ZCCHC7: variants seen among roughly 807,000 people sequenced by gnomAD.
ZCCHC7 encodes zinc finger CCHC-type containing 7.
A neutral mutation model predicts 52.0 loss-of-function variants in ZCCHC7; 35 were observed. The ratio of observed to expected loss-of-function variants is 0.67; its 90% CI spans 0.51 to 0.89. The LOEUF is 0.89. ZCCHC7 is among the 40% of genes least tolerant of loss of function. The probability of loss-of-function intolerance (pLI) is 0.00; values close to 1 mark genes in which losing one functional copy is unlikely to be tolerated. For synonymous variants in ZCCHC7, 217 were observed against 221.5 expected, an observed-to-expected ratio of 0.98 and a Z score of 0.18; for missense variants, 574 against 649.1, an observed-to-expected ratio of 0.88 and a Z score of 1.26.
chr9:37,208,644 C>T (rs1282179715), intron 2 of ZCCHC7, among the ~76,000 whole-genome samples: 1 of 152,210 alleles, frequency 6.6e-6, no homozygotes. Context: ...AGCAGCAAAA[C>T]TTGTCACTTT....
Position 37,126,385 on chromosome 9 carries a change from G to A in ZCCHC7, c.53G>A (p.Arg18Gln), listed in dbSNP as rs147653832. ...TIEAYEDDLY[R>Q]DESSSELSVD... ...GAAGCATACGAAGATGATCTTTATC[G>A]AGATGAGTCATCTAGTGAACTGAGT... The change falls in exon 2 of 9, where the codon CGA becomes CAA. Residue 18 changes from arginine (R) to glutamine (Q), a missense_variant. This residue lies in a region of ZCCHC7 where 403 missense variants were observed against 461.2 expected (regional missense o/e 0.87). Coordinates refer to ENST00000336755, the MANE Select transcript of ZCCHC7 (RefSeq NM_032226.3). 9 of 1,613,992 alleles carry A rather than the reference G, an allele frequency of 5.6e-6. No individual in the cohort carries two copies. Among genetic ancestry groups the A allele is most frequent in the African/African-American group, 4.0e-5 (3 of 75,016 alleles).
At chr9:37,124,420 T>C (rs1443822883) in intron 1 of ZCCHC7, among the ~76,000 whole-genome samples, 2 of 151,882 alleles carry the variant, frequency 1.3e-5, no homozygotes, top group Non-Finnish European at 1.5e-5. Flanking sequence ...AAATGCCCGA[T>C]GGTGTAGTTC....
At chr9:37,273,534 C>T (rs1827535119) in intron 2 of ZCCHC7, among the ~76,000 whole-genome samples, 2 of 152,132 alleles carry the variant, frequency 1.3e-5, no homozygotes, top group South Asian at 4.1e-4. Flanking sequence ...GGTGTCCTGA[C>T]ACCTACTCTT....
At chr9:37,282,324 C>G (rs1827995693) in intron 2 of ZCCHC7, among the ~76,000 whole-genome samples, 1 of 152,042 alleles carries the variant, frequency 6.6e-6, no homozygotes, top group Non-Finnish European at 1.5e-5. Context: ...TTAAACAAGG[C>G]CGGGCATGGT....
chr9:37,207,738 A>G (rs1823999703), intron 2 of ZCCHC7, among the ~76,000 whole-genome samples: 1 of 152,008 alleles, frequency 6.6e-6, no homozygotes, highest in Non-Finnish European at 1.5e-5. Flanking sequence ...CCAATCTGCT[A>G]TTTAGCCCAT....
intron 2 of ZCCHC7, among the ~76,000 whole-genome samples, chr9:37,142,842 C>G (rs936106412): frequency 1.3e-5 from 2 of 151,724 alleles, no homozygotes; most frequent in African/African-American, 4.8e-5. Flanking sequence ...CACATCAAAT[C>G]AAGGTATAAC....
intron 2 of ZCCHC7, among the ~76,000 whole-genome samples, chr9:37,140,740 T>TA (rs1330852052): frequency 3.3e-5 from 5 of 152,006 alleles, no homozygotes; most frequent in Admixed American, 3.3e-4. Flanking sequence ...GGTGTATAAT[T>TA]ATGTACCCGG....
chr9:37,188,328 A>T (rs980014327), intron 2 of ZCCHC7, among the ~76,000 whole-genome samples: 10 of 151,276 alleles, frequency 6.6e-5, no homozygotes, highest in African/African-American at 9.7e-5. Flanking sequence ...TTTTTATCTT[A>T]TTTTTTATAG....
chr9:37,184,804 CTT>C (rs766909477), intron 2 of ZCCHC7, among the ~76,000 whole-genome samples: 1 of 151,930 alleles, frequency 6.6e-6, no homozygotes, highest in African/African-American at 2.4e-5. Context: ...TGGGATAACT[CTT>C]TGAGTATTTG....
At position 37,134,265 on chromosome 9, in the gene ZCCHC7, G is replaced by T. The variant is rs555275000; in HGVS notation, c.610+7323G>T. ...AATCTCTTCCTTTTTTTAATTTCTT[G>T]TAATTTGTTGTAATACCTAGATTCT... is the stretch of plus-strand genomic sequence containing the variant. On this transcript the variant is annotated intron_variant, in intron 2 of 8. Transcript: ENST00000336755. 4.0e-5 allele frequency among the ~76,000 whole-genome samples: 6 copies of T among 151,798 alleles called. No individual in the cohort carries two copies. The East Asian group carries it at 1.2e-3, about 29-fold the overall frequency.
intron 2 of ZCCHC7, among the ~76,000 whole-genome samples, chr9:37,260,173 G>A (rs538310538): frequency 6.6e-6 from 1 of 152,290 alleles, no homozygotes; most frequent in African/African-American, 2.4e-5. Context: ...TAATATTTGC[G>A]CATATACTGT....
chr9:37,274,704 A>C (rs917195210), intron 2 of ZCCHC7, among the ~76,000 whole-genome samples: 1 of 152,034 alleles, frequency 6.6e-6, no homozygotes, highest in African/African-American at 2.4e-5. Flanking sequence ...TATTTACTCA[A>C]TCTTTTCCTT....
At chr9:37,233,742 A>G (rs979282906) in intron 2 of ZCCHC7, among the ~76,000 whole-genome samples, 8 of 152,216 alleles carry the variant, frequency 5.3e-5, no homozygotes, top group African/African-American at 1.9e-4. Flanking sequence ...AAGGAATGAC[A>G]GGAGACTGAC....
chr9:37,168,084 C>T (rs1486809921), intron 2 of ZCCHC7, among the ~76,000 whole-genome samples: 2 of 152,002 alleles, frequency 1.3e-5, no homozygotes, highest in African/African-American at 4.8e-5. Context: ...GGTTCTCATC[C>T]CTTTCTGCTA....
intron 2 of ZCCHC7, among the ~76,000 whole-genome samples, chr9:37,155,142 T>C (rs1240917667): frequency 5.3e-5 from 8 of 152,004 alleles, no homozygotes; most frequent in East Asian, 3.9e-4. Flanking sequence ...GGGCGGATCA[T>C]GAGGTCAGGA....
intron 2 of ZCCHC7, among the ~76,000 whole-genome samples, chr9:37,185,092 ATAT>A (rs1822580242): frequency 6.6e-6 from 1 of 151,974 alleles, no homozygotes; most frequent in Non-Finnish European, 1.5e-5. Context: ...GAAACTAAAC[ATAT>A]TATTTTATTT....
intron 2 of ZCCHC7, among the ~76,000 whole-genome samples, chr9:37,283,980 C>G (rs1472148607): frequency 2.0e-5 from 3 of 151,656 alleles, no homozygotes; most frequent in East Asian, 3.9e-4. Context: ...AGATTTTTCC[C>G]TGGGGTGAAA....
At chr9:37,138,134 ATTGTTAGGGCATCTT>A (rs1554699954) in intron 2 of ZCCHC7, among the ~76,000 whole-genome samples, 2 of 152,120 alleles carry the variant, frequency 1.3e-5, no homozygotes, top group Non-Finnish European at 2.9e-5. Flanking sequence ...ACACTTAACT[ATTGTTAGGGCATCTT>A]TTTATTTAAT....
chr9:37,335,484 T>C (rs1830609034), intron 6 of ZCCHC7, among the ~76,000 whole-genome samples: 1 of 152,112 alleles, frequency 6.6e-6, no homozygotes, highest in Admixed American at 6.6e-5. Context: ...GGATAATGCC[T>C]TGTAGGATTT....
Sources: allele counts gnomAD v4.1 joint callset (sites outside exome capture counted in the v4.1 genomes callset), GRCh38; gene constraint gnomAD v4.1.1; regional missense constraint gnomAD v4.1.1; transcripts MANE v1.5; gene names NCBI Gene and HGNC (gene_info 2026-07-23, HGNC 2026-07-21).